STK17B: variants seen among roughly 807,000 people sequenced by gnomAD.
STK17B encodes serine/threonine-protein kinase 17B.
A neutral mutation model predicts 42.0 loss-of-function variants in STK17B; 21 were observed. That is an observed-to-expected ratio of 0.50 (90% confidence interval 0.35 to 0.72). STK17B has a LOEUF of 0.72. Ranked by LOEUF, STK17B falls within the 30% of genes least tolerant of loss-of-function variation. The probability of loss-of-function intolerance (pLI) is 0.00; values close to 1 mark genes in which losing one functional copy is unlikely to be tolerated. For synonymous variants in STK17B, 143 were observed against 148.4 expected (o/e 0.96, Z 0.26); for missense variants, 349 against 446.0 (o/e 0.78, Z 1.96).
intron 1 of STK17B, chr2:196,165,494 T>C (rs970731414): frequency 1.3e-5 from 2 of 152,226 alleles, no homozygotes; most frequent in Non-Finnish European, 2.9e-5. Context: ...AAATAAAACA[T>C]ATTAGACATA....
Position 196,156,606 on chromosome 2 carries a change from G to T in STK17B, c.168C>A (p.Gly56=). Residue 56 remains glycine, a synonymous_variant, in exon 3 of 8, where the codon GGC becomes GGA. Coordinates refer to ENST00000263955, the MANE Select transcript of STK17B (RefSeq NM_004226.4). ...TTAGAAATTTTGCAGCATATTCTTGGCCAGTAGATTTTGATATACATTGTC... is the reference window on the plus strand; with the variant it reads ...TTAGAAATTTTGCAGCATATTCTTGTCCAGTAGATTTTGATATACATTGTC... The part of the protein sequence containing the change: ...VVRQCISKST[G]QEYAAKFLKK... 6.2e-7 allele frequency: 1 copy of T among 1,613,914 alleles called. No individual in the cohort carries two copies. The highest frequency in any genetic ancestry group is 8.5e-7 in the Non-Finnish European group (1 of 1,179,964).
upstream of STK17B, among the ~76,000 whole-genome samples, chr2:196,173,506 A>C (rs1050149087): frequency 3.9e-5 from 6 of 152,180 alleles, no homozygotes; most frequent in African/African-American, 9.7e-5. Flanking sequence ...ATTCAACTAC[A>C]CTTACTTGGT....
At chr2:196,153,416 T>C (rs561830284) in intron 3 of STK17B, 56 of 152,296 alleles carry the variant, frequency 3.7e-4, no homozygotes, top group African/African-American at 1.2e-3. Flanking sequence ...ATATATAGAA[T>C]GTGAGAAGTG....
At chr2:196,175,136 A>G (rs1394107437), upstream of STK17B, among the ~76,000 whole-genome samples, 1 of 152,252 alleles carries the variant, frequency 6.6e-6, no homozygotes, top group East Asian at 1.9e-4. Flanking sequence ...TTGTCATTTC[A>G]ACATGTAATC....
chr2:196,159,005 T>C (rs997449753), intron 2 of STK17B, among the ~76,000 whole-genome samples: 12 of 115,116 alleles, frequency 1.0e-4, no homozygotes, highest in Non-Finnish European at 2.2e-4. Flanking sequence ...AGCAAGACTG[T>C]GTCTCAAAAA....
chr2:196,143,722 T>A (rs3736515), intron 4 of STK17B, 36 bp from the exon 5 acceptor site: 1 of 1,451,990 alleles, frequency 6.9e-7, no homozygotes, highest in Admixed American at 2.5e-5. Context: ...ATAAGTAATA[T>A]ACAAAAAAGC....
In STK17B at chr2:196,139,808, C is replaced by T. The variant is rs1182508225; in HGVS notation, c.657-9G>A. On this transcript the variant is annotated splice_polypyrimidine_tract_variant and intron_variant, in intron 6 of 7. Coordinates refer to ENST00000263955, the MANE Select transcript of STK17B (RefSeq NM_004226.4). ...CTATTATACCAATATTCCTGAAAAA[C>T]AAGGGAGGGGAACTTAAAATGTATG... is the stretch of plus-strand genomic sequence containing the variant. The T allele has an allele frequency of 6.7e-6, 9 of 1,346,730 alleles. No homozygotes were observed. Among genetic ancestry groups the T allele is most frequent in the Non-Finnish European group, 8.7e-6 (9 of 1,038,530 alleles). The allele number at this position is 1,346,730 out of a possible 1,614,324, so 83.4% of individuals were successfully genotyped here. A position where few individuals can be genotyped will look rare whatever the true frequency, so the allele number is the denominator to read the frequency against.
rs12478353 is a variant in STK17B at position 196,156,648 on chromosome 2, T to A, written c.126A>T (p.Gly42=). 995,500 of 1,606,170 alleles carry A rather than the reference T, an allele frequency of 0.62. 313,641 individuals are homozygous for A. Among genetic ancestry groups the A allele is most frequent in the East Asian group, 0.92 (41,034 of 44,790 alleles). Residue 42 remains glycine, a synonymous_variant, in exon 3 of 8, where the codon GGA becomes GGT. Coordinates refer to ENST00000263955, the MANE Select transcript of STK17B (RefSeq NM_004226.4). ...YILTSKELGR[G]KFAVVRQCIS... is the part of the protein sequence containing the mutation. Reference sequence around the variant, plus strand: ...TACATTGTCTAACCACAGCAAATTTTCCTCTGGGGGAAGATGAGAACAATC... The same window carrying A: ...TACATTGTCTAACCACAGCAAATTTACCTCTGGGGGAAGATGAGAACAATC...
chr2:196,147,344 G>C (rs1699590878), intron 3 of STK17B, among the ~76,000 whole-genome samples: 2 of 152,074 alleles, frequency 1.3e-5, no homozygotes, highest in African/African-American at 4.8e-5. Context: ...AATGTTTGTT[G>C]AATGAATGAA....
chr2:196,140,577 C>CCTTTTTTT (rs1334737441), intron 6 of STK17B, among the ~76,000 whole-genome samples: 8 of 101,474 alleles, frequency 7.9e-5, no homozygotes, highest in Non-Finnish European at 9.7e-5. Context: ...CTTCTTCTAG[C>CCTTTTTTT]TTTTTTTTTT....
chr2:196,164,765 G>A (rs983084609), intron 1 of STK17B, among the ~76,000 whole-genome samples: 6 of 151,990 alleles, frequency 3.9e-5, no homozygotes, highest in Admixed American at 2.6e-4. Context: ...AATTATGAAC[G>A]CGTCACTGCA....
At chr2:196,137,799 AT>A (rs1377807902) in intron 7 of STK17B, 70 bp from the exon 8 acceptor site, 1 of 1,492,686 alleles carries the variant, frequency 6.7e-7, no homozygotes, top group Non-Finnish European at 9.0e-7. Flanking sequence ...AGTTTGATAG[AT>A]TATAGACATA....
chr2:196,143,807 T>TGA, intron 4 of STK17B, 121 bp from the exon 5 acceptor site: 1 of 871,240 alleles, frequency 1.1e-6, no homozygotes, highest in Non-Finnish European at 1.6e-6. Flanking sequence ...GAGTCATGCA[T>TGA]CAAACATTTA....
rs1046467112 is a variant in STK17B, at chr2:196,136,217, A to G, written c.*1230T>C. 1 of 152,206 alleles carries G rather than the reference A, an allele frequency of 6.6e-6. No individual in the cohort carries two copies. Among genetic ancestry groups the G allele is most frequent in the African/African-American group, 2.4e-5 (1 of 41,438 alleles). 9.4% of individuals were successfully genotyped at this position (152,206 alleles called of 1,614,324 possible). On this transcript the variant is annotated 3_prime_UTR_variant, in exon 8 of 8. Coordinates refer to ENST00000263955, the MANE Select transcript of STK17B (RefSeq NM_004226.4). ...AACGGTCATCAGGTGAAAATTCATA[A>G]AAGATTACCCGAAAAGGACTAACTT...
chr2:196,160,762 G>A (rs1458853580), intron 2 of STK17B, among the ~76,000 whole-genome samples: 1 of 152,112 alleles, frequency 6.6e-6, no homozygotes, highest in Non-Finnish European at 1.5e-5. Context: ...CTTTCATAAA[G>A]ATATTTTAAA....
upstream of STK17B, among the ~76,000 whole-genome samples, chr2:196,172,492 A>C (rs1050517898): frequency 6.6e-6 from 1 of 152,240 alleles, no homozygotes; most frequent in Non-Finnish European, 1.5e-5. Flanking sequence ...GGGAAAGGAT[A>C]CTGGGAGTGG....
intron 3 of STK17B, chr2:196,151,191 C>T (rs576259901): frequency 3.9e-5 from 6 of 152,128 alleles, no homozygotes; most frequent in Admixed American, 3.3e-4. Flanking sequence ...TGTAAGTTCC[C>T]CTTTTGATTT....
intron 1 of STK17B, among the ~76,000 whole-genome samples, chr2:196,167,321 C>A (rs769269452): frequency 1.1e-4 from 17 of 152,276 alleles, no homozygotes; most frequent in Middle Eastern, 3.4e-3. Context: ...GCCTAAGCAA[C>A]CAGCATGGTA....
chr2:196,157,559 T>C (rs994708666), intron 2 of STK17B, among the ~76,000 whole-genome samples: 14 of 152,226 alleles, frequency 9.2e-5, no homozygotes, highest in African/African-American at 3.4e-4. Context: ...TAATGCTCAG[T>C]AGTCTTTGAA....
Sources: allele counts gnomAD v4.1 joint callset (sites outside exome capture counted in the v4.1 genomes callset), GRCh38; gene constraint gnomAD v4.1.1; transcripts MANE v1.5; gene names NCBI Gene and HGNC (gene_info 2026-07-23, HGNC 2026-07-21).